SPAG17: variants seen among roughly 807,000 people sequenced by gnomAD.
SPAG17 encodes sperm associated antigen 17.
In SPAG17, 169 loss-of-function variants were observed where a neutral mutation model predicts 273.6. That is an observed-to-expected ratio of 0.62 (90% CI 0.55 to 0.70). The LOEUF (loss-of-function observed/expected upper bound fraction) is 0.70, where lower values mean the gene tolerates loss of function less well. Among genes scored for constraint, SPAG17 ranks in the 30% least tolerant of loss-of-function variants. The pLI is 0.00. For synonymous variants in SPAG17, 825 were observed against 873.2 expected (o/e 0.94, Z 0.97); for missense variants, 2,557 against 2,627.8 (o/e 0.97, Z 0.59).
chr1:118,063,205 G>T (rs1308863512), intron 18 of SPAG17, among the ~76,000 whole-genome samples: 1 of 152,120 alleles, frequency 6.6e-6, no homozygotes, highest in Non-Finnish European at 1.5e-5. Context: ...AGCTACCAAT[G>T]ACTTTCTTCA....
intron 21 of SPAG17, 134 bp downstream of exon 21, chr1:118,041,669 A>G: frequency 8.5e-7 from 1 of 1,173,864 alleles, no homozygotes; most frequent in Non-Finnish European, 1.2e-6. Context: ...TACAGGTTTG[A>G]GCTCATTAAT....
intron 42 of SPAG17, among the ~76,000 whole-genome samples, chr1:117,982,065 T>C (rs1231382130): frequency 2.0e-5 from 3 of 152,100 alleles, no homozygotes; most frequent in Admixed American, 2.0e-4. Flanking sequence ...CGCAACCTAA[T>C]AGCCACCAAT....
chr1:118,183,257 G>C (rs560764116), intron 1 of SPAG17, among the ~76,000 whole-genome samples: 2 of 152,138 alleles, frequency 1.3e-5, no homozygotes, highest in East Asian at 3.9e-4. Flanking sequence ...GAAACTCTCT[G>C]GATACTAAAA....
Position 117,992,493 on chromosome 1 carries a change from C to CACCTCATTCTTTATG in SPAG17, c.5319_5333dup (p.Ile1774_Val1778dup). 1.2e-6 allele frequency: 2 copies of CACCTCATTCTTTATG among 1,611,730 alleles called. No individual in the cohort carries two copies. The highest frequency in any genetic ancestry group is 1.7e-6 in the Non-Finnish European group (2 of 1,179,230). ...TAAGGGAAACCTGCAGCCTCAGTTT[C>CACCTCATTCTTTATG]ACCTCATTCTTTATGACCTCATGCT... is the stretch of plus-strand genomic sequence containing the variant. On this transcript the variant is annotated inframe_insertion, in exon 36 of 49. Transcript: ENST00000336338.
intron 18 of SPAG17, among the ~76,000 whole-genome samples, chr1:118,063,159 C>T (rs542089455): frequency 8.5e-5 from 13 of 152,114 alleles, no homozygotes; most frequent in Non-Finnish European, 1.8e-4. Context: ...GCCATACTGC[C>T]CAAGGTAATT....
At chr1:118,111,041 G>GAT (rs890091835) in intron 4 of SPAG17, among the ~76,000 whole-genome samples, 1 of 152,052 alleles carries the variant, frequency 6.6e-6, no homozygotes, top group African/African-American at 2.4e-5. Flanking sequence ...AAGATTAAAT[G>GAT]ATATAACATG....
chr1:118,026,289 G>C (rs909461714), intron 26 of SPAG17, among the ~76,000 whole-genome samples: 1 of 152,174 alleles, frequency 6.6e-6, no homozygotes, highest in Non-Finnish European at 1.5e-5. Flanking sequence ...TCAAAAGCAA[G>C]CACTATTATG....
chr1:118,116,646 G>C (rs1022476347), intron 3 of SPAG17, among the ~76,000 whole-genome samples: 3 of 152,164 alleles, frequency 2.0e-5, no homozygotes, highest in Non-Finnish European at 2.9e-5. Context: ...TCTAACTGCA[G>C]AAGGCTCTAT....
At chr1:117,992,819 T>G (rs1249332248) in intron 35 of SPAG17, among the ~76,000 whole-genome samples, 171 bp from the exon 36 acceptor site, 1 of 152,146 alleles carries the variant, frequency 6.6e-6, no homozygotes, top group Non-Finnish European at 1.5e-5. Context: ...GGAAAATCGA[T>G]AACAGAACTG....
chr1:118,185,010 G>T, intron 1 of SPAG17, 61 bp downstream of exon 1: 1 of 1,417,302 alleles, frequency 7.1e-7, no homozygotes, highest in Non-Finnish European at 1.0e-6. Flanking sequence ...CGCCTAGGAG[G>T]GTCTGGCCGG....
rs749375465 is a variant in SPAG17, at chr1:117,983,931, C to T, written c.5770-18G>A. 1.1e-5 allele frequency: 15 copies of T among 1,377,602 alleles called. No individual in the cohort carries two copies. The highest frequency in any genetic ancestry group is 1.4e-5 in the Non-Finnish European group (14 of 974,052). 85.3% of individuals were successfully genotyped at this position (1,377,602 alleles called of 1,614,324 possible). A position where few individuals can be genotyped will look rare whatever the true frequency, so the allele number is the denominator to read the frequency against. ...TGATTATACTGAAAGGAAAAAAAAA[C>T]TTATTTTAGACTTATACATGGCTGA... On this transcript the variant is annotated intron_variant, in intron 41 of 48. Transcript: ENST00000336338.
chr1:118,178,168 G>T (rs1253383914), intron 1 of SPAG17, among the ~76,000 whole-genome samples: 8 of 151,902 alleles, frequency 5.3e-5, no homozygotes, highest in Non-Finnish European at 8.8e-5. Context: ...CATTAAAATG[G>T]CCAAAACCGC....
chr1:118,105,691 C>T (rs1656352820), intron 4 of SPAG17, among the ~76,000 whole-genome samples: 1 of 151,856 alleles, frequency 6.6e-6, no homozygotes, highest in South Asian at 2.1e-4. Context: ...AGGAAATTTC[C>T]AAGGTTAGAG....
In SPAG17 at chr1:118,041,900, T is replaced by A. The variant is rs1649805166; in HGVS notation, c.2957A>T (p.Lys986Ile). ...TTTAGATTTCTCCTTGTAAGGTGAT[T>A]TTTTCTTCAAAGACCTACTATCCTC... ...EKEDSRSLKK[K>I]SPYKEKSKEE... The change falls in exon 21 of 49, where the codon AAA (lysine) becomes ATA (isoleucine). Residue 986 changes from lysine (K) to isoleucine (I), a missense_variant. Lys to Ile is a moderately radical substitution (Grantham distance 102). Coordinates refer to ENST00000336338, the MANE Select transcript of SPAG17 (RefSeq NM_206996.4). 8.7e-6 allele frequency: 14 copies of A among 1,613,788 alleles called. No homozygotes were observed. The highest frequency in any genetic ancestry group is 1.2e-5 in the Non-Finnish European group (14 of 1,179,770).
chr1:118,057,063 G>A (rs902031276), intron 18 of SPAG17, among the ~76,000 whole-genome samples: 4 of 151,208 alleles, frequency 2.6e-5, no homozygotes, highest in Admixed American at 6.6e-5. Flanking sequence ...TGCAACCTCC[G>A]CCTCCCGGGT....
chr1:118,151,630 A>C (rs1468073391), intron 1 of SPAG17, among the ~76,000 whole-genome samples: 1 of 152,246 alleles, frequency 6.6e-6, no homozygotes, highest in Non-Finnish European at 1.5e-5. Flanking sequence ...TTAAAACGAC[A>C]CTTTCACTAG....
At chr1:118,097,420 A>C (rs1179703658) in intron 7 of SPAG17, among the ~76,000 whole-genome samples, 3 of 152,190 alleles carry the variant, frequency 2.0e-5, no homozygotes, top group African/African-American at 7.2e-5. Flanking sequence ...CATATAAAAG[A>C]ATCACCATCC....
rs531390590 is a variant in SPAG17, at chr1:118,145,614, T to G, written c.315+4929A>C. Among the ~76,000 whole-genome samples, 87 of 152,250 alleles carry G rather than the reference T, an allele frequency of 5.7e-4. 1 individual carries two copies. Among genetic ancestry groups the G allele is most frequent in the African/African-American group, 2.0e-3 (84 of 41,578 alleles). On this transcript the variant is annotated intron_variant, in intron 3 of 48. Transcript: ENST00000336338. ...TTTCCACATTTGATGGTCTCCCGGT[T>G]GCAATAGAAAGGCCCGTAGAAATAT...
At chr1:118,074,481 G>T in intron 16 of SPAG17, 58 bp downstream of exon 16, 2 of 1,409,892 alleles carry the variant, frequency 1.4e-6, no homozygotes, top group Non-Finnish European at 2.0e-6. Flanking sequence ...CTTACTCCAA[G>T]TCATGGTTTT....
Sources: gnomAD v4.1 joint callset for allele counts (sites outside exome capture counted in the v4.1 genomes callset) on GRCh38, gnomAD v4.1.1 for gene constraint, MANE v1.5 for transcripts, NCBI Gene and HGNC (gene_info 2026-07-23, HGNC 2026-07-21) for gene names.